The following NECTIN1 variants were observed in gnomAD, a reference collection of about 807,000 sequenced individuals.
The protein encoded by NECTIN1 is nectin cell adhesion molecule 1.
A neutral mutation model predicts 48.0 loss-of-function variants in NECTIN1; 23 were observed. The ratio of observed to expected loss-of-function variants is 0.48; its 90% CI spans 0.34 to 0.68. NECTIN1 has a LOEUF of 0.68. NECTIN1 is among the 30% of genes least tolerant of loss of function. NECTIN1 has a pLI of 0.01. For synonymous variants in NECTIN1, 270 were observed against 288.9 expected (o/e 0.93, Z 0.66); for missense variants, 591 against 709.9 (o/e 0.83, Z 1.90).
downstream of NECTIN1, among the ~76,000 whole-genome samples, chr11:119,660,272 C>G (rs1434263112): frequency 6.6e-6 from 1 of 152,100 alleles, no homozygotes; most frequent in Non-Finnish European, 1.5e-5. Context: ...CACTCCCACC[C>G]CCAGGATCGA....
intron 5 of NECTIN1, among the ~76,000 whole-genome samples, chr11:119,668,116 C>A (rs1396503589): frequency 6.6e-6 from 1 of 152,162 alleles, no homozygotes; most frequent in Non-Finnish European, 1.5e-5. Context: ...ATTAGAAAAA[C>A]TGACCTCTAG....
chr11:119,661,939 C>A lies in NECTIN1; in HGVS notation c.*2808G>T. On this transcript the variant is annotated 3_prime_UTR_variant, in exon 6 of 6. Coordinates refer to ENST00000264025, the MANE Select transcript of NECTIN1 (RefSeq NM_002855.5). ...GGTCTGAGGTGGTCGCACTTGCAGG[C>A]CTGTGTTCACCTACTCTGTGCTGCT... The A allele has an allele frequency of 1.0e-6, 1 of 985,314 alleles. No homozygotes were observed. The highest frequency in any genetic ancestry group is 1.2e-6 in the Non-Finnish European group (1 of 829,944). 61.0% of individuals were successfully genotyped at this position (985,314 alleles called of 1,614,324 possible). A position where few individuals can be genotyped will look rare whatever the true frequency, so the allele number is the denominator to read the frequency against.
Position 119,678,434 on chromosome 11 carries a change from C to T in NECTIN1, c.411G>A (p.Gln137=), listed in dbSNP as rs1864999622. ...ATFPTGNRES[Q]LNLTVMAKPT... is the part of the protein sequence containing the mutation. ...GCTTACCCATCACCGTGAGATTGAG[C>T]TGGCTTTCTCGATTGCCCGTAGGGA... Residue 137 remains glutamine, a synonymous_variant, in exon 2 of 6, where the codon CAG becomes CAA. Coordinates refer to ENST00000264025, the MANE Select transcript of NECTIN1 (RefSeq NM_002855.5). This position sits in a 1 kb window ranked among gnomAD's most constrained non-coding sequence, Gnocchi z 4.4. The T allele has an allele frequency of 2.5e-6, 4 of 1,614,230 alleles. No homozygotes were observed. The highest frequency in any genetic ancestry group is 4.5e-5 in the East Asian group (2 of 44,888).
chr11:119,715,066 AG>A (rs1157843254), intron 1 of NECTIN1, among the ~76,000 whole-genome samples: 4 of 152,178 alleles, frequency 2.6e-5, no homozygotes, highest in Non-Finnish European at 5.9e-5. Flanking sequence ...AGCTGGGGGC[AG>A]TCAGGGCTGT....
intron 1 of NECTIN1, among the ~76,000 whole-genome samples, chr11:119,719,636 A>G (rs1436812683): frequency 2.6e-5 from 4 of 152,222 alleles, no homozygotes; most frequent in South Asian, 4.1e-4. Flanking sequence ...CAAGTGTGTT[A>G]TTATTATCCT....
At chr11:119,697,034 C>A (rs1259900886) in intron 1 of NECTIN1, among the ~76,000 whole-genome samples, 1 of 152,018 alleles carries the variant, frequency 6.6e-6, no homozygotes, top group Admixed American at 6.5e-5. Flanking sequence ...GTGCTGCCCG[C>A]TGCAGCGGGC....
intron 5 of NECTIN1, among the ~76,000 whole-genome samples, chr11:119,645,727 G>A (rs574301156): frequency 2.0e-4 from 30 of 152,198 alleles, no homozygotes; most frequent in South Asian, 8.3e-4. Context: ...GCTGGCTGCC[G>A]CACCGTCACA....
intron 1 of NECTIN1, among the ~76,000 whole-genome samples, chr11:119,719,211 A>G (rs1233802027): frequency 6.6e-6 from 1 of 152,232 alleles, no homozygotes; most frequent in Non-Finnish European, 1.5e-5. Context: ...TGCATCAGGC[A>G]TGGACAACTA....
rs1352660503 is a variant in NECTIN1, at chr11:119,663,541, G to A, written c.*1206C>T. ...CTTTGACAATGGCCTTTGTGTGTGAGGCATTGTATGGACTCCTCAGTCCCT... is the reference window on the plus strand; with the variant it reads ...CTTTGACAATGGCCTTTGTGTGTGAAGCATTGTATGGACTCCTCAGTCCCT... On this transcript the variant is annotated 3_prime_UTR_variant, in exon 6 of 6. Transcript: ENST00000264025. 2.4e-5 allele frequency: 24 copies of A among 985,406 alleles called. No homozygotes were observed. The highest frequency in any genetic ancestry group is 7.0e-5 in the African/African-American group (4 of 57,230). The allele number at this position is 985,406 out of a possible 1,614,324, so 61.0% of individuals were successfully genotyped here. A position where few individuals can be genotyped will look rare whatever the true frequency, so the allele number is the denominator to read the frequency against.
rs561234624 is a variant in NECTIN1 at position 119,728,489 on chromosome 11, G to A, written c.65C>T (p.Ala22Val). The change falls in exon 1 of 6, where the codon GCA becomes GTA. Residue 22 changes from alanine (A) to valine (V), a missense_variant. Coordinates refer to ENST00000264025, the MANE Select transcript of NECTIN1 (RefSeq NM_002855.5). The part of the protein sequence containing the change: ...RWWGLALGLT[A>V]FFLPGVHSQV... Reference sequence around the variant, plus strand: ...AGCGCTCTTACCTGGGAGGAAGAATGCGGTCAAGCCGAGAGCGAGTCCCCA... The same window carrying A: ...AGCGCTCTTACCTGGGAGGAAGAATACGGTCAAGCCGAGAGCGAGTCCCCA... 8 of 1,603,404 alleles carry A rather than the reference G, an allele frequency of 5.0e-6. No individual in the cohort carries two copies. The South Asian group carries it at 6.7e-5, about 13-fold the overall frequency.
chr11:119,719,707 C>T (rs1280238182), intron 1 of NECTIN1, among the ~76,000 whole-genome samples: 1 of 152,210 alleles, frequency 6.6e-6, no homozygotes, highest in Non-Finnish European at 1.5e-5. Flanking sequence ...GTCCCCTATG[C>T]CAGGCCCTGG....
At chr11:119,652,255 C>A (rs766350805) in intron 5 of NECTIN1, among the ~76,000 whole-genome samples, 1 of 152,180 alleles carries the variant, frequency 6.6e-6, no homozygotes, top group African/African-American at 2.4e-5. Flanking sequence ...CATGACACCT[C>A]GAGGCCTCAT....
intron 1 of NECTIN1, among the ~76,000 whole-genome samples, chr11:119,719,460 C>T (rs1865793840): frequency 6.6e-6 from 1 of 152,206 alleles, no homozygotes. Context: ...CACTTACTAG[C>T]TGCGTGACCC....
rs1303142948 is a variant in NECTIN1, at chr11:119,709,763, C to A, written c.79+18712G>T. Reference sequence around the variant, plus strand: ...CCGGGTTTGTGGAGAGAGGGCAGGACGAGGCGGAGCGGGTTTGAGGGGGAG... The same window carrying A: ...CCGGGTTTGTGGAGAGAGGGCAGGAAGAGGCGGAGCGGGTTTGAGGGGGAG... On this transcript the variant is annotated intron_variant, in intron 1 of 5. Coordinates refer to ENST00000264025, the MANE Select transcript of NECTIN1 (RefSeq NM_002855.5). The surrounding 1 kb of genome is among the most constrained non-coding windows in gnomAD (Gnocchi z 4.1). 6.6e-6 allele frequency among the ~76,000 whole-genome samples: 1 copy of A among 152,050 alleles called. No individual in the cohort carries two copies. Among genetic ancestry groups the A allele is most frequent in the South Asian group, 2.1e-4 (1 of 4,814 alleles).
intron 1 of NECTIN1, among the ~76,000 whole-genome samples, chr11:119,692,984 G>A (rs1251840531): frequency 6.6e-6 from 1 of 152,192 alleles, no homozygotes; most frequent in African/African-American, 2.4e-5. Flanking sequence ...CTTGTAGAGA[G>A]GGCAGGCACC....
intron 1 of NECTIN1, among the ~76,000 whole-genome samples, chr11:119,716,347 G>T (rs1865742770): frequency 6.6e-6 from 1 of 152,168 alleles, no homozygotes; most frequent in Non-Finnish European, 1.5e-5. Context: ...GTCCCTCCCA[G>T]TGGTAGCTCA....
intron 1 of NECTIN1, among the ~76,000 whole-genome samples, chr11:119,726,396 C>T (rs549151184): frequency 6.6e-6 from 1 of 152,320 alleles, no homozygotes; most frequent in Admixed American, 6.5e-5. Flanking sequence ...AGGAGCCCAG[C>T]CACTGGGCAG....
At position 119,727,209 on chromosome 11, in the gene NECTIN1, C is replaced by T. The variant is rs1229478260; in HGVS notation, c.79+1266G>A. ...TCTGCCTTCCAGGAGTGCACCCTAG[C>T]CCCGGAACTAGGCAGCCAGACTGTT... On this transcript the variant is annotated intron_variant, in intron 1 of 5. Transcript: ENST00000264025. This position sits in a 1 kb window ranked among gnomAD's most constrained non-coding sequence, Gnocchi z 4.1. Among the ~76,000 whole-genome samples, 2 of 152,310 alleles carry T rather than the reference C, an allele frequency of 1.3e-5. No homozygotes were observed. The highest frequency in any genetic ancestry group is 3.4e-3 in the Middle Eastern group (1 of 294).
intron 1 of NECTIN1, among the ~76,000 whole-genome samples, chr11:119,720,024 G>C (rs1028306908): frequency 6.6e-6 from 1 of 152,220 alleles, no homozygotes; most frequent in African/African-American, 2.4e-5. Context: ...GGAAAGCATG[G>C]TGTGCGGGGG....
Sources: gnomAD v4.1 joint callset for allele counts (sites outside exome capture counted in the v4.1 genomes callset) on GRCh38, gnomAD v4.1.1 for gene constraint, Gnocchi (gnomAD v3.1) non-coding constraint, MANE v1.5 for transcripts, NCBI Gene and HGNC (gene_info 2026-07-23, HGNC 2026-07-21) for gene names.